CPA6: variants seen among roughly 807,000 people sequenced by gnomAD.
CPA6 encodes carboxypeptidase A6.
CPA6 carries 58 observed loss-of-function variants against 63.3 expected under a neutral mutation model. That is an observed-to-expected ratio of 0.92 (90% CI 0.74 to 1.14). The LOEUF (loss-of-function observed/expected upper bound fraction) is 1.14, where lower values mean the gene tolerates loss of function less well. Among genes scored for constraint, CPA6 ranks in the 50% most tolerant of loss-of-function variants. The probability of loss-of-function intolerance (pLI) is 0.00; values close to 1 mark genes in which losing one functional copy is unlikely to be tolerated. For missense variants in CPA6, 565 were observed against 526.6 expected (o/e 1.07, Z -0.71); for synonymous variants, 185 against 179.0 (o/e 1.03, Z -0.27).
At chr8:67,557,628 G>C (rs1563999461) in intron 2 of CPA6, among the ~76,000 whole-genome samples, 1 of 152,064 alleles carries the variant, frequency 6.6e-6, no homozygotes, top group African/African-American at 2.4e-5. Flanking sequence ...AGTTCTGCAG[G>C]GTGTCTGCTC....
chr8:67,530,480 A>C (rs2128968874), intron 2 of CPA6, among the ~76,000 whole-genome samples: 1 of 152,314 alleles, frequency 6.6e-6, no homozygotes, highest in African/African-American at 2.4e-5. Context: ...CTAGTAATAC[A>C]GAGAACTAGA....
At chr8:67,721,938 G>A (rs1276245146) in intron 1 of CPA6, among the ~76,000 whole-genome samples, 3 of 152,190 alleles carry the variant, frequency 2.0e-5, no homozygotes, top group East Asian at 1.9e-4. Flanking sequence ...GCCAGTCACC[G>A]AGTTTCGGCC....
intron 8 of CPA6, among the ~76,000 whole-genome samples, chr8:67,469,910 A>G (rs917074411): frequency 6.6e-6 from 1 of 152,114 alleles, no homozygotes; most frequent in East Asian, 1.9e-4. Context: ...TTGAAACTCC[A>G]TGAAGACAGG....
chr8:67,688,470 T>C (rs536912698), intron 1 of CPA6, among the ~76,000 whole-genome samples: 6 of 152,332 alleles, frequency 3.9e-5, no homozygotes, highest in African/African-American at 1.4e-4. Context: ...AGGACTCATT[T>C]ACCCAAAATC....
intron 8 of CPA6, 116 bp from the exon 9 acceptor site, chr8:67,434,356 T>A: frequency 2.5e-6 from 2 of 810,276 alleles, no homozygotes; most frequent in Admixed American, 2.7e-5. Context: ...ATGGTATTAT[T>A]AAGCAATTCA....
At chr8:67,688,353 A>G (rs1054189354) in intron 1 of CPA6, among the ~76,000 whole-genome samples, 1 of 152,148 alleles carries the variant, frequency 6.6e-6, no homozygotes, top group African/African-American at 2.4e-5. Flanking sequence ...GAAATAATGA[A>G]TATTTGAGAA....
intron 8 of CPA6, among the ~76,000 whole-genome samples, chr8:67,451,473 C>T (rs1046223260): frequency 6.6e-6 from 1 of 152,262 alleles, no homozygotes; most frequent in South Asian, 2.1e-4. Flanking sequence ...GCTCAGGGAT[C>T]CCACTGACTC....
intron 6 of CPA6, among the ~76,000 whole-genome samples, chr8:67,497,233 A>G (rs1400471589): frequency 1.3e-5 from 2 of 152,194 alleles, no homozygotes; most frequent in African/African-American, 4.8e-5. Context: ...CACTCCAAAA[A>G]GAACCTGGTA....
At chr8:67,583,469 G>GA (rs35457284) in intron 2 of CPA6, among the ~76,000 whole-genome samples, 88,173 of 151,942 alleles carry the variant, frequency 0.58, 27,918 homozygotes, top group African/African-American at 0.84. Context: ...TTCAGCTTGT[G>GA]ATAGGCCTAA....
At chr8:67,713,099 G>GTGTATATATATATATATA (rs1328463977) in intron 1 of CPA6, among the ~76,000 whole-genome samples, 1 of 55,026 alleles carries the variant, frequency 1.8e-5, no homozygotes, top group African/African-American at 7.4e-5. Context: ...GTGTGTGTGT[G>GTGTATATATATATATATA]TATATATATA....
At chr8:67,696,243 G>A (rs1390733170) in intron 1 of CPA6, among the ~76,000 whole-genome samples, 10 of 152,178 alleles carry the variant, frequency 6.6e-5, no homozygotes, top group Admixed American at 6.5e-4. Context: ...CACTCATAAT[G>A]TAGATAATTT....
chr8:67,727,816 T>C (rs556703172), intron 1 of CPA6, among the ~76,000 whole-genome samples: 4 of 152,272 alleles, frequency 2.6e-5, no homozygotes, highest in Non-Finnish European at 4.4e-5. Context: ...CAGTGGCTCA[T>C]GCCTGTAATC....
At position 67,635,326 on chromosome 8, in the gene CPA6, G is replaced by C. The variant is rs558683827; in HGVS notation, c.117-11075C>G. On this transcript the variant is annotated intron_variant, in intron 1 of 10. Coordinates refer to ENST00000297770, the MANE Select transcript of CPA6 (RefSeq NM_020361.5). ...GGCATTTTTTCTTGCCCTTTGCATG[G>C]ATATTTGAACCTAATCTCTGATCAG... Among the ~76,000 whole-genome samples, 5 of 151,746 alleles carry C rather than the reference G, an allele frequency of 3.3e-5. No homozygotes were observed. The East Asian group carries it at 7.7e-4, about 23-fold the overall frequency.
chr8:67,741,204 T>C (rs1455257647), intron 1 of CPA6, among the ~76,000 whole-genome samples: 1 of 152,128 alleles, frequency 6.6e-6, no homozygotes, highest in African/African-American at 2.4e-5. Context: ...CCATGGAACT[T>C]TGCAAGCAGA....
At chr8:67,557,990 C>G (rs1813107072) in intron 2 of CPA6, among the ~76,000 whole-genome samples, 1 of 152,060 alleles carries the variant, frequency 6.6e-6, no homozygotes. Flanking sequence ...TAGAACAAAG[C>G]CCTACATTTT....
At chr8:67,454,604 C>T (rs1027043594) in intron 8 of CPA6, among the ~76,000 whole-genome samples, 1 of 152,140 alleles carries the variant, frequency 6.6e-6, no homozygotes, top group Non-Finnish European at 1.5e-5. Context: ...TTAGTTTTCC[C>T]TTAGTTTATG....
intron 2 of CPA6, among the ~76,000 whole-genome samples, chr8:67,536,913 G>A (rs993651128): frequency 6.6e-6 from 1 of 152,164 alleles, no homozygotes; most frequent in Non-Finnish European, 1.5e-5. Flanking sequence ...AAGGGGCATT[G>A]AATTTTATTG....
intron 2 of CPA6, among the ~76,000 whole-genome samples, chr8:67,558,388 T>C (rs888914142): frequency 1.3e-5 from 2 of 152,242 alleles, no homozygotes; most frequent in Admixed American, 6.5e-5. Context: ...GTGAGGAGAA[T>C]AATATAAACT....
At chr8:67,525,162 G>A (rs1047094778) in intron 2 of CPA6, among the ~76,000 whole-genome samples, 1 of 152,128 alleles carries the variant, frequency 6.6e-6, no homozygotes, top group Non-Finnish European at 1.5e-5. Flanking sequence ...TTAGGTTGTT[G>A]AAATTCTGGG....
Sources: allele counts gnomAD v4.1 joint callset (sites outside exome capture counted in the v4.1 genomes callset), GRCh38; gene constraint gnomAD v4.1.1; transcripts MANE v1.5; gene names NCBI Gene and HGNC (gene_info 2026-07-23, HGNC 2026-07-21).